MYLK: variants seen among roughly 807,000 people sequenced by gnomAD.
MYLK encodes myosin light chain kinase, smooth muscle.
In MYLK, 106 loss-of-function variants were observed where a neutral mutation model predicts 203.4. The ratio of observed to expected loss-of-function variants is 0.52; its 90% CI spans 0.45 to 0.61. The LOEUF (loss-of-function observed/expected upper bound fraction) is 0.61. Among genes scored for constraint, MYLK ranks in the 20% least tolerant of loss-of-function variants. MYLK has a pLI of 0.00. For missense variants in MYLK, 2,072 were observed against 2,442.3 expected, an observed-to-expected ratio of 0.85 and a Z score of 3.20; for synonymous variants, 867 against 959.5, an observed-to-expected ratio of 0.90 and a Z score of 1.78.
At chr3:123,793,218 G>A (rs2064851576) in intron 4 of MYLK, among the ~76,000 whole-genome samples, 1 of 152,124 alleles carries the variant, frequency 6.6e-6, no homozygotes, top group African/African-American at 2.4e-5. Context: ...GAAATGAGAG[G>A]TCCTATCACT....
intron 2 of MYLK, among the ~76,000 whole-genome samples, chr3:123,849,341 T>C (rs1343160894): frequency 6.6e-6 from 1 of 152,194 alleles, no homozygotes; most frequent in African/African-American, 2.4e-5. Flanking sequence ...CCTCAAAGAA[T>C]AGCTTTAGTT....
intron 20 of MYLK, among the ~76,000 whole-genome samples, chr3:123,676,672 T>C (rs373750358): frequency 2.0e-5 from 3 of 152,194 alleles, no homozygotes; most frequent in African/African-American, 7.2e-5. Context: ...GGATGTTCCA[T>C]TGGCATCATC....
At chr3:123,804,944 G>C (rs1275830966) in intron 3 of MYLK, among the ~76,000 whole-genome samples, 1 of 152,140 alleles carries the variant, frequency 6.6e-6, no homozygotes, top group Non-Finnish European at 1.5e-5. Flanking sequence ...CCGCTTGGAA[G>C]AGGGAGCAGG....
intron 16 of MYLK, 146 bp downstream of exon 16, chr3:123,707,608 G>A (rs1202805347): frequency 1.6e-6 from 2 of 1,232,762 alleles, no homozygotes; most frequent in Non-Finnish European, 2.4e-6. Context: ...AAAAGCTTGT[G>A]AGCAGCACTG....
In MYLK at chr3:123,611,330, C is replaced by CTGA. The variant is rs1296349940; in HGVS notation, c.*2772_*2774dup. 22 of 152,072 alleles carry CTGA rather than the reference C, an allele frequency of 1.4e-4. No individual in the cohort carries two copies. The highest frequency in any genetic ancestry group is 2.6e-4 in the Non-Finnish European group (18 of 68,018). 9.4% of individuals were successfully genotyped at this position (152,072 alleles called of 1,614,324 possible). ...CCTGTAAAGCAGGACTGGTAGTTTC[C>CTGA]TGATAACAAATTCTTCAATATGAAG... On this transcript the variant is annotated 3_prime_UTR_variant, in exon 34 of 34. Coordinates refer to ENST00000360304, the MANE Select transcript of MYLK (RefSeq NM_053025.4).
At position 123,737,378 on chromosome 3, in the gene MYLK, C is replaced by T. The variant is rs1016351104; in HGVS notation, c.754G>A (p.Gly252Ser). ...ASMSAELSIQ[G>S]LDSANRSFVR... ...GCACTAGCCGTCCACTGGTCGATAC[C>T]TTGGATGGAAAGTTCAGCTGACATC... The change falls in exon 8 of 34, where the codon GGT becomes AGT. Residue 252 changes from glycine (G) to serine (S), a missense_variant and splice_region_variant. Physicochemically the swap from Gly to Ser is moderately conservative, Grantham distance 56. Transcript: ENST00000360304. 1.9e-6 allele frequency: 3 copies of T among 1,614,154 alleles called. No homozygotes were observed. The highest frequency in any genetic ancestry group is 2.5e-6 in the Non-Finnish European group (3 of 1,180,032).
intron 20 of MYLK, among the ~76,000 whole-genome samples, chr3:123,675,227 AGAGG>A (rs2060035282): frequency 6.6e-6 from 1 of 152,254 alleles, no homozygotes; most frequent in East Asian, 1.9e-4. Context: ...GATTGATATT[AGAGG>A]AAGTGAAATA....
chr3:123,666,307 T>C lies in MYLK; in HGVS notation c.3743A>G (p.Lys1248Arg). The change falls in exon 22 of 34, where the codon AAG becomes AGG. Residue 1248 changes from lysine (K) to arginine (R), a missense_variant. Lys to Arg is a conservative substitution (Grantham distance 26). Around this residue, in one of 3 missense-constraint regions of MYLK, gnomAD observed 865 missense variants for 1,016.0 expected, o/e 0.85. Transcript: ENST00000360304. ...CTCCACTGACTCTCCTGCGCGTACC[T>C]TCTGGTCCTCAGGGAACTGGATGAT... ...PQIIQFPEDQKVRAGESVELF... is the reference protein window; with the variant it reads ...PQIIQFPEDQRVRAGESVELF... The C allele has an allele frequency of 6.2e-7, 1 of 1,614,204 alleles. No homozygotes were observed. The highest frequency in any genetic ancestry group is 1.6e-4 in the Middle Eastern group (1 of 6,062).
At chr3:123,754,366 A>G (rs1185261518) in intron 4 of MYLK, among the ~76,000 whole-genome samples, 1 of 152,244 alleles carries the variant, frequency 6.6e-6, no homozygotes, top group Non-Finnish European at 1.5e-5. Context: ...AGAAACAACA[A>G]TAAAACTCCA....
chr3:123,812,465 A>C (rs1362696294), intron 3 of MYLK, among the ~76,000 whole-genome samples: 1 of 152,194 alleles, frequency 6.6e-6, no homozygotes, highest in African/African-American at 2.4e-5. Context: ...GGCCAATTCC[A>C]TATCTAGCCT....
chr3:123,719,340 G>C (rs2332589), intron 13 of MYLK, among the ~76,000 whole-genome samples: 1 of 151,920 alleles, frequency 6.6e-6, no homozygotes, highest in Non-Finnish European at 1.5e-5. Flanking sequence ...GAGTGTTCAT[G>C]GCTTGTGTCT....
At chr3:123,769,236 G>A (rs557565616) in intron 4 of MYLK, among the ~76,000 whole-genome samples, 29 of 152,248 alleles carry the variant, frequency 1.9e-4, no homozygotes, top group African/African-American at 7.0e-4. Flanking sequence ...GTGCAAGAAG[G>A]AGTTGGTGCT....
chr3:123,617,162 A>G (rs2057546866), intron 33 of MYLK: 1 of 152,228 alleles, frequency 6.6e-6, no homozygotes, highest in African/African-American at 2.4e-5. Context: ...CAGCATCCAT[A>G]TGCTTTAATT....
At chr3:123,842,938 G>T (rs1365741817) in intron 2 of MYLK, among the ~76,000 whole-genome samples, 4 of 152,236 alleles carry the variant, frequency 2.6e-5, no homozygotes, top group Admixed American at 2.6e-4. Context: ...AGCTCCCAAT[G>T]TGCTGCTGGG....
chr3:123,649,664 G>T (rs892302203), intron 24 of MYLK, among the ~76,000 whole-genome samples: 1 of 152,186 alleles, frequency 6.6e-6, no homozygotes, highest in Non-Finnish European at 1.5e-5. Context: ...GCCAGTTATT[G>T]TGGGCATTCA....
At position 123,707,786 on chromosome 3, in the gene MYLK, G is replaced by T; in HGVS notation, c.2358C>A (p.Pro786=). 6.2e-7 allele frequency: 1 copy of T among 1,614,224 alleles called. No homozygotes were observed. ...VFTLVLKKVQ[P]WHAGQYEILL... is the part of the protein sequence containing the mutation. ...GGATCTCATACTGGCCGGCATGCCA[G>T]GGCTGCACCTTCTTTAGAACCAGGG... The change falls in exon 16 of 34, where the codon CCC becomes CCA. Residue 786 remains proline, a synonymous_variant. Coordinates refer to ENST00000360304, the MANE Select transcript of MYLK (RefSeq NM_053025.4).
chr3:123,848,302 C>T (rs367924978), intron 2 of MYLK, among the ~76,000 whole-genome samples: 2 of 146,626 alleles, frequency 1.4e-5, no homozygotes, highest in African/African-American at 5.0e-5. Context: ...CTTTTTTAAT[C>T]CTCCAAATGA....
chr3:123,731,850 A>C (rs2062487369), intron 11 of MYLK, among the ~76,000 whole-genome samples: 1 of 152,074 alleles, frequency 6.6e-6, no homozygotes, highest in Non-Finnish European at 1.5e-5. Context: ...ATTAAATCTT[A>C]TCAGTGTCCA....
At chr3:123,718,827 C>T (rs112709217) in intron 13 of MYLK, among the ~76,000 whole-genome samples, 4,607 of 152,314 alleles carry the variant, frequency 0.03, 204 homozygotes, top group African/African-American at 0.1. Context: ...CTCATCAGAA[C>T]GTAAGCACCC....
Sources: allele counts gnomAD v4.1 joint callset (sites outside exome capture counted in the v4.1 genomes callset), GRCh38; gene constraint gnomAD v4.1.1; regional missense constraint gnomAD v4.1.1; transcripts MANE v1.5; gene names NCBI Gene and HGNC (gene_info 2026-07-23, HGNC 2026-07-21).